Variants in PDE7B observed in about 807,000 individuals in gnomAD.
The protein encoded by PDE7B is phosphodiesterase 7B.
A neutral mutation model predicts 56.2 loss-of-function variants in PDE7B; 29 were observed. The observed-to-expected ratio is 0.52, with a 90% confidence interval of 0.38 to 0.70. The LOEUF (loss-of-function observed/expected upper bound fraction) is 0.70. Ranked by LOEUF, PDE7B falls within the 30% of genes least tolerant of loss-of-function variation. PDE7B has a pLI of 0.00. For synonymous variants in PDE7B, 197 were observed against 196.9 expected (o/e 1.00, Z 0.00); for missense variants, 490 against 565.0 (o/e 0.87, Z 1.35).
intron 2 of PDE7B, among the ~76,000 whole-genome samples, chr6:135,983,046 A>G (rs1562460105): frequency 6.6e-6 from 1 of 152,228 alleles, no homozygotes; most frequent in Non-Finnish European, 1.5e-5. Context: ...AATCAAAAGT[A>G]TTTATGAAAT....
chr6:136,030,403 T>C (rs1280781564), intron 2 of PDE7B, among the ~76,000 whole-genome samples: 1 of 152,230 alleles, frequency 6.6e-6, no homozygotes, highest in Non-Finnish European at 1.5e-5. Context: ...TGTTAAAGAA[T>C]GCAGCCTATT....
chr6:135,871,757 G>T (rs146780454), intron 1 of PDE7B, among the ~76,000 whole-genome samples: 2 of 142,808 alleles, frequency 1.4e-5, no homozygotes, highest in Non-Finnish European at 3.0e-5. Context: ...CAATGTTGTC[G>T]TAAGGATAGG....
chr6:135,917,660 A>G (rs973431117), intron 1 of PDE7B, among the ~76,000 whole-genome samples: 15 of 152,054 alleles, frequency 9.9e-5, no homozygotes, highest in African/African-American at 3.4e-4. Flanking sequence ...TTGCACATCC[A>G]GTAAAATTTT....
Position 136,191,037 on chromosome 6 carries a change from T to TTTTTTTTTA in PDE7B, c.1127-577_1127-576insTTTTTTTTA, listed in dbSNP as rs1471563191. ...ACTTTTTTTTTTTTTTTTTTTTTTT[T>TTTTTTTTTA]ACTTATATGTCTTTCTCCCTCTGCA... On this transcript the variant is annotated intron_variant, in intron 12 of 12. Transcript: ENST00000308191. Among the ~76,000 whole-genome samples, 585 of 143,012 alleles carry TTTTTTTTTA rather than the reference T, an allele frequency of 4.1e-3. 18 individuals are homozygous for TTTTTTTTTA. The highest frequency in any genetic ancestry group is 0.016 in the African/African-American group (546 of 34,694). 93.8% of individuals were successfully genotyped at this position (143,012 alleles called of 152,430 possible). A position where few individuals can be genotyped will look rare whatever the true frequency, so the allele number is the denominator to read the frequency against.
chr6:136,041,032 A>G (rs140883754), intron 2 of PDE7B, among the ~76,000 whole-genome samples: 95 of 152,334 alleles, frequency 6.2e-4, no homozygotes, highest in African/African-American at 2.3e-3. Context: ...GGAAAATTAA[A>G]TGTTATAACA....
chr6:135,961,255 A>G (rs866243254), intron 2 of PDE7B, among the ~76,000 whole-genome samples: 18 of 146,088 alleles, frequency 1.2e-4, no homozygotes, highest in African/African-American at 3.1e-4. Context: ...TAGAGTGTAT[A>G]TGTGTGTGTG....
At chr6:136,034,167 G>T (rs1776287878) in intron 2 of PDE7B, 1 of 152,040 alleles carries the variant, frequency 6.6e-6, no homozygotes, top group Non-Finnish European at 1.5e-5. Flanking sequence ...ACATTCTCTA[G>T]AATTGTTAGA....
chr6:136,168,050 AG>A (rs1451746813), intron 8 of PDE7B, among the ~76,000 whole-genome samples: 1 of 152,180 alleles, frequency 6.6e-6, no homozygotes, highest in Non-Finnish European at 1.5e-5. Flanking sequence ...TTTGAAAGAC[AG>A]GGGCTGGTTT....
chr6:136,080,064 G>GA lies in PDE7B; in HGVS notation c.83-28661dup, dbSNP rs765178781. Among the ~76,000 whole-genome samples the GA allele has an allele frequency of 5.9e-5, 9 of 151,964 alleles. No individual in the cohort carries two copies. The South Asian group carries it at 6.2e-4, about 11-fold the overall frequency. ...ATCTTACGCTATCACGAGGAGAGGG[G>GA]AAAAAATAAATGAAGAAAAAAACCT... On this transcript the variant is annotated intron_variant, in intron 2 of 12. Coordinates refer to ENST00000308191, the MANE Select transcript of PDE7B (RefSeq NM_018945.4).
intron 3 of PDE7B, among the ~76,000 whole-genome samples, chr6:136,145,931 A>G (rs1228681178): frequency 6.6e-6 from 1 of 152,152 alleles, no homozygotes; most frequent in Non-Finnish European, 1.5e-5. Context: ...TTTTATATCC[A>G]TTTATTTCTA....
rs576801117 is a variant in PDE7B at position 136,048,101 on chromosome 6, C to T, written c.83-60630C>T. Among the ~76,000 whole-genome samples the T allele has an allele frequency of 4.1e-3, 620 of 151,370 alleles. 6 individuals are homozygous for T. Among genetic ancestry groups the T allele is most frequent in the African/African-American group, 0.015 (596 of 40,750 alleles). ...ATGGATAGATAGATAGACAGACAGA[C>T]AGACAGACAGATAGATAGATGTGAT... is the stretch of plus-strand genomic sequence containing the variant. On this transcript the variant is annotated intron_variant, in intron 2 of 12. Coordinates refer to ENST00000308191, the MANE Select transcript of PDE7B (RefSeq NM_018945.4).
At chr6:136,157,249 A>G (rs1778624178) in intron 8 of PDE7B, among the ~76,000 whole-genome samples, 1 of 152,094 alleles carries the variant, frequency 6.6e-6, no homozygotes, top group Non-Finnish European at 1.5e-5. Flanking sequence ...GCTCTCCTAC[A>G]ATGCTCCTAT....
chr6:136,056,639 C>G (rs1455727764), intron 2 of PDE7B, among the ~76,000 whole-genome samples: 3 of 140,476 alleles, frequency 2.1e-5, no homozygotes, highest in South Asian at 2.3e-4. Context: ...TCAATCGATT[C>G]TCCTGCCACA....
At chr6:136,174,093 C>A (rs562138013) in intron 9 of PDE7B, among the ~76,000 whole-genome samples, 1 of 152,210 alleles carries the variant, frequency 6.6e-6, no homozygotes, top group East Asian at 1.9e-4. Flanking sequence ...TTTGAAAGGG[C>A]CTTGCAGAGT....
chr6:135,901,113 T>C (rs949407194), intron 1 of PDE7B, among the ~76,000 whole-genome samples: 1 of 152,220 alleles, frequency 6.6e-6, no homozygotes, highest in Non-Finnish European at 1.5e-5. Flanking sequence ...GTTTTTGAGC[T>C]GGCTGGCCAC....
intron 1 of PDE7B, among the ~76,000 whole-genome samples, chr6:135,925,735 A>G (rs1774172487): frequency 6.6e-6 from 1 of 152,218 alleles, no homozygotes; most frequent in Non-Finnish European, 1.5e-5. Context: ...TGCTTGAAAG[A>G]TCTTAACAGC....
At chr6:136,034,612 T>C (rs550058922) in intron 2 of PDE7B, 1 of 152,486 alleles carries the variant, frequency 6.6e-6, no homozygotes, top group African/African-American at 2.4e-5. Flanking sequence ...CACTATTCTC[T>C]TCACAGATGC....
At position 136,001,599 on chromosome 6, in the gene PDE7B, A is replaced by G. The variant is rs1050756093; in HGVS notation, c.82+54075A>G. Among the ~76,000 whole-genome samples, 15 of 152,252 alleles carry G rather than the reference A, an allele frequency of 9.9e-5. 1 individual carries two copies. The highest frequency in any genetic ancestry group is 9.2e-4 in the Admixed American group (14 of 15,282). On this transcript the variant is annotated intron_variant, in intron 2 of 12. Transcript: ENST00000308191. ...GCGATCAATTGGAAGAAAGGGTATC[A>G]GTGATGGAAGATGAAATGAATGAAA...
At chr6:136,161,766 A>T (rs1177878275) in intron 8 of PDE7B, among the ~76,000 whole-genome samples, 1 of 152,156 alleles carries the variant, frequency 6.6e-6, no homozygotes, top group Non-Finnish European at 1.5e-5. Context: ...GTAGCTACTG[A>T]ACTTTGGGGT....
Sources: allele counts gnomAD v4.1 joint callset (sites outside exome capture counted in the v4.1 genomes callset), GRCh38; gene constraint gnomAD v4.1.1; transcripts MANE v1.5; gene names NCBI Gene and HGNC (gene_info 2026-07-23, HGNC 2026-07-21).